Variants in DOCK3 observed in about 807,000 individuals in gnomAD.
DOCK3 encodes dedicator of cytokinesis 3.
A neutral mutation model predicts 265.6 loss-of-function variants in DOCK3; 60 were observed. That is an observed-to-expected ratio of 0.23 (90% CI 0.18 to 0.28). DOCK3 has a LOEUF of 0.28. DOCK3 is among the 10% of genes least tolerant of loss of function. The pLI is 1.00. For missense variants in DOCK3, 1,981 were observed against 2,594.3 expected, an observed-to-expected ratio of 0.76 and a Z score of 5.14; for synonymous variants, 881 against 938.0, an observed-to-expected ratio of 0.94 and a Z score of 1.11.
At chr3:51,017,286 G>C (rs867113987) in intron 5 of DOCK3, among the ~76,000 whole-genome samples, 1 of 150,886 alleles carries the variant, frequency 6.6e-6, no homozygotes, top group Non-Finnish European at 1.5e-5. Flanking sequence ...TTGACTAAAG[G>C]CTTGTCAATT....
intron 46 of DOCK3, among the ~76,000 whole-genome samples, chr3:51,358,531 G>C (rs1042582313): frequency 1.3e-5 from 2 of 151,608 alleles, no homozygotes; most frequent in South Asian, 4.2e-4. Flanking sequence ...CCCTCTAATC[G>C]TTCTCTTTTC....
intron 20 of DOCK3, among the ~76,000 whole-genome samples, chr3:51,236,788 T>C (rs1469014972): frequency 6.6e-6 from 1 of 152,182 alleles, no homozygotes; most frequent in East Asian, 1.9e-4. Context: ...ATAACCATCA[T>C]GAAAAGCAGA....
At chr3:50,953,678 T>C (rs1274641938) in intron 5 of DOCK3, among the ~76,000 whole-genome samples, 2 of 152,130 alleles carry the variant, frequency 1.3e-5, no homozygotes, top group Non-Finnish European at 2.9e-5. Context: ...AAAAAATGTG[T>C]TAACGTTCGT....
chr3:50,712,741 G>A (rs1294349532), intron 1 of DOCK3, among the ~76,000 whole-genome samples: 1 of 152,196 alleles, frequency 6.6e-6, no homozygotes, highest in Admixed American at 6.5e-5. Context: ...TTAATTAGGA[G>A]TGTGTTGTTT....
chr3:51,358,663 A>G (rs973043015), intron 46 of DOCK3, among the ~76,000 whole-genome samples: 1 of 152,198 alleles, frequency 6.6e-6, no homozygotes, highest in African/African-American at 2.4e-5. Context: ...TAGGATGAGC[A>G]GTACTTTCAT....
intron 1 of DOCK3, among the ~76,000 whole-genome samples, chr3:50,712,150 C>T (rs1051885298): frequency 6.6e-6 from 1 of 152,056 alleles, no homozygotes; most frequent in African/African-American, 2.4e-5. Context: ...CTCTATTTTC[C>T]ATTTATTTCC....
At chr3:51,246,849 C>G in intron 22 of DOCK3, 42 bp downstream of exon 22, 1 of 1,569,948 alleles carries the variant, frequency 6.4e-7, no homozygotes, top group South Asian at 1.1e-5. Context: ...CCCACTCATG[C>G]AATTATTTGT....
rs765006898 is a variant in DOCK3, at chr3:51,275,234, G to A, written c.2676+28G>A. 3.1e-6 allele frequency: 5 copies of A among 1,612,942 alleles called. No individual in the cohort carries two copies. The African/African-American group carries it at 6.7e-5, about 22-fold the overall frequency. ...AGTGGCCCCACACCCACTCCACCCT[G>A]TTCAGCTCTTCCCTAGTCTTGTGTT... On this transcript the variant is annotated intron_variant, in intron 25 of 52. Coordinates refer to ENST00000266037, the MANE Select transcript of DOCK3 (RefSeq NM_004947.5).
chr3:51,271,714 G>T (rs1004208846), intron 24 of DOCK3, among the ~76,000 whole-genome samples: 9 of 152,182 alleles, frequency 5.9e-5, no homozygotes. Flanking sequence ...AGCTAGGCAT[G>T]GTGGCAGGCA....
At chr3:51,011,802 G>C (rs1189843975) in intron 5 of DOCK3, among the ~76,000 whole-genome samples, 1 of 152,078 alleles carries the variant, frequency 6.6e-6, no homozygotes, top group Non-Finnish European at 1.5e-5. Context: ...ATGGGGTTTT[G>C]GTGTGGATGT....
chr3:50,927,391 T>C (rs532025951), intron 4 of DOCK3, among the ~76,000 whole-genome samples: 1 of 152,188 alleles, frequency 6.6e-6, no homozygotes, highest in Non-Finnish European at 1.5e-5. Flanking sequence ...TAATTTATTG[T>C]ATATTTCAAA....
At chr3:50,994,411 T>C (rs1303025992) in intron 5 of DOCK3, among the ~76,000 whole-genome samples, 1 of 152,220 alleles carries the variant, frequency 6.6e-6, no homozygotes, top group African/African-American at 2.4e-5. Flanking sequence ...ATAGAGATAT[T>C]AAGTACCTTA....
intron 12 of DOCK3, among the ~76,000 whole-genome samples, chr3:51,205,916 C>G (rs2089181190): frequency 6.6e-6 from 1 of 152,204 alleles, no homozygotes; most frequent in African/African-American, 2.4e-5. Context: ...TCTTGGCAAT[C>G]TGCAAATGAA....
intron 5 of DOCK3, among the ~76,000 whole-genome samples, chr3:51,008,493 T>A (rs2078782984): frequency 6.6e-6 from 1 of 152,220 alleles, no homozygotes; most frequent in Admixed American, 6.5e-5. Flanking sequence ...CCTGATACTT[T>A]GCCAAAGTTG....
At chr3:50,719,513 T>C (rs1308925187) in intron 1 of DOCK3, 3 of 976,450 alleles carry the variant, frequency 3.1e-6, no homozygotes, top group Non-Finnish European at 4.7e-6. Context: ...AATGGTGATC[T>C]TCTCACTGGT....
chr3:51,251,500 G>T (rs148925619), intron 22 of DOCK3, among the ~76,000 whole-genome samples: 2 of 152,166 alleles, frequency 1.3e-5, no homozygotes, highest in Non-Finnish European at 2.9e-5. Flanking sequence ...GTGTAAAAGC[G>T]TTCCTATTTC....
At chr3:51,076,116 C>T (rs2082048260) in intron 7 of DOCK3, among the ~76,000 whole-genome samples, 1 of 152,066 alleles carries the variant, frequency 6.6e-6, no homozygotes, top group African/African-American at 2.4e-5. Context: ...TTTTAGGGAG[C>T]TTAGAGGGTA....
At chr3:51,267,784 A>T (rs2080279318) in intron 23 of DOCK3, among the ~76,000 whole-genome samples, 1 of 152,202 alleles carries the variant, frequency 6.6e-6, no homozygotes, top group African/African-American at 2.4e-5. Flanking sequence ...AATGTGGCAC[A>T]TATACACCAT....
Position 51,374,674 on chromosome 3 carries a change from G to T in DOCK3, c.5412+87G>T. The T allele has an allele frequency of 5.6e-6, 7 of 1,245,018 alleles. No individual in the cohort carries two copies. The highest frequency in any genetic ancestry group is 8.0e-6 in the Non-Finnish European group (7 of 874,078). The allele number at this position is 1,245,018 out of a possible 1,614,324, so 77.1% of individuals were successfully genotyped here. A position where few individuals can be genotyped will look rare whatever the true frequency, so the allele number is the denominator to read the frequency against. Reference sequence around the variant, plus strand: ...TTGCATTTGCGGGGCCTTCTGCATTGTCCTACATGGCTCTCTCATTCCGCT... The same window carrying T: ...TTGCATTTGCGGGGCCTTCTGCATTTTCCTACATGGCTCTCTCATTCCGCT... On this transcript the variant is annotated intron_variant, in intron 50 of 52. Coordinates refer to ENST00000266037, the MANE Select transcript of DOCK3 (RefSeq NM_004947.5). The surrounding 1 kb of genome is among the most constrained non-coding windows in gnomAD (Gnocchi z 4.8).
Sources: allele counts gnomAD v4.1 joint callset (sites outside exome capture counted in the v4.1 genomes callset), GRCh38; gene constraint gnomAD v4.1.1; non-coding constraint Gnocchi (gnomAD v3.1); transcripts MANE v1.5; gene names NCBI Gene and HGNC (gene_info 2026-07-23, HGNC 2026-07-21).